The following USH2A variants were observed in gnomAD, a reference collection of about 807,000 sequenced individuals.
The protein encoded by USH2A is usherin.
A neutral mutation model predicts 538.9 loss-of-function variants in USH2A; 443 were observed. That is an observed-to-expected ratio of 0.82 (90% CI 0.76 to 0.89). The LOEUF is 0.89. USH2A is among the 40% of genes least tolerant of loss of function. The probability of loss-of-function intolerance (pLI) is 0.00; values close to 1 mark genes in which losing one functional copy is unlikely to be tolerated. For missense variants in USH2A, 6,633 were observed against 6,324.8 expected (o/e 1.05, Z -1.65); for synonymous variants, 2,413 against 2,273.5 (o/e 1.06, Z -1.75).
chr1:216,182,645 T>C (rs1039464992), intron 20 of USH2A, among the ~76,000 whole-genome samples: 13 of 152,128 alleles, frequency 8.5e-5, no homozygotes, highest in Non-Finnish European at 1.9e-4. Flanking sequence ...TAATTCCATC[T>C]AATAGTGCAT....
At chr1:215,655,693 CT>C (rs1293599422) in intron 64 of USH2A, among the ~76,000 whole-genome samples, 1 of 147,600 alleles carries the variant, frequency 6.8e-6, no homozygotes, top group African/African-American at 2.5e-5. Flanking sequence ...AATGGTGACC[CT>C]TTGGATGCTT....
In USH2A at chr1:216,416,541, T is replaced by A. The variant is rs992950947; in HGVS notation, c.651+1973A>T. ...TATGAAATAAAGCAGTCTCATTAAA[T>A]CATAAGTACTTTAACCTTTTCTTGA... On this transcript the variant is annotated intron_variant, in intron 3 of 71. Coordinates refer to ENST00000307340, the MANE Select transcript of USH2A (RefSeq NM_206933.4). Among the ~76,000 whole-genome samples the A allele has an allele frequency of 2.0e-5, 3 of 152,182 alleles. No homozygotes were observed. In the East Asian group the frequency reaches 5.8e-4, roughly 29 times the overall value.
At chr1:215,740,991 T>C (rs1660284301) in intron 60 of USH2A, among the ~76,000 whole-genome samples, 1 of 152,142 alleles carries the variant, frequency 6.6e-6, no homozygotes, top group South Asian at 2.1e-4. Flanking sequence ...ACTCACCTGC[T>C]GTGTGGCCCG....
chr1:216,335,849 A>C (rs764804723), intron 4 of USH2A, among the ~76,000 whole-genome samples: 1 of 151,582 alleles, frequency 6.6e-6, no homozygotes, highest in Non-Finnish European at 1.5e-5. Flanking sequence ...CAAACATTTA[A>C]AGAAGAAGTA....
chr1:215,996,207 G>A (rs1019309539), intron 34 of USH2A, among the ~76,000 whole-genome samples: 9 of 151,986 alleles, frequency 5.9e-5, no homozygotes, highest in Non-Finnish European at 8.8e-5. Context: ...CAGTGTGCCC[G>A]GACCAAAACT....
intron 20 of USH2A, among the ~76,000 whole-genome samples, chr1:216,176,960 T>C (rs2102642764): frequency 6.6e-6 from 1 of 152,338 alleles, no homozygotes; most frequent in Middle Eastern, 3.4e-3. Context: ...ACTGATGAAA[T>C]ATCCTGGTTG....
intron 38 of USH2A, among the ~76,000 whole-genome samples, chr1:215,908,089 G>A (rs941001850): frequency 7.3e-5 from 11 of 151,708 alleles, no homozygotes; most frequent in African/African-American, 2.4e-4. Flanking sequence ...TTTATCATTC[G>A]TTTCTCTCAA....
intron 21 of USH2A, among the ~76,000 whole-genome samples, chr1:216,105,686 A>AG (rs2032713122): frequency 6.6e-6 from 1 of 152,078 alleles, no homozygotes; most frequent in South Asian, 2.1e-4. Context: ...CATTAAATGA[A>AG]TAAATTGACT....
At chr1:216,127,917 A>G (rs559024848) in intron 21 of USH2A, among the ~76,000 whole-genome samples, 1 of 152,270 alleles carries the variant, frequency 6.6e-6, no homozygotes, top group South Asian at 2.1e-4. Flanking sequence ...TCTAAGTAAA[A>G]GATGCTGATT....
At chr1:215,950,403 G>A (rs1321009438) in intron 37 of USH2A, among the ~76,000 whole-genome samples, 1 of 151,640 alleles carries the variant, frequency 6.6e-6, no homozygotes, top group Non-Finnish European at 1.5e-5. Context: ...TGTGTTTGTA[G>A]TAAGATCTCA....
chr1:215,730,161 C>T (rs565489072), intron 60 of USH2A, among the ~76,000 whole-genome samples: 19 of 152,230 alleles, frequency 1.2e-4, no homozygotes, highest in South Asian at 6.2e-4. Context: ...GTTGTTGAGA[C>T]GGCCCTATAT....
In USH2A at chr1:215,783,539, A is replaced by T. The variant is rs1215450810; in HGVS notation, c.10388-604T>A. ...ACAAACCAACCAACTTTATTAAAAC[A>T]ATAAAACCAAGCCTGCTGAGCTTTC... On this transcript the variant is annotated intron_variant, in intron 52 of 71. Transcript: ENST00000307340. Among the ~76,000 whole-genome samples, 2 of 152,216 alleles carry T rather than the reference A, an allele frequency of 1.3e-5. 1 individual carries two copies. Among genetic ancestry groups the T allele is most frequent in the Admixed American group, 1.3e-4 (2 of 15,272 alleles).
intron 37 of USH2A, among the ~76,000 whole-genome samples, chr1:215,942,448 G>C (rs1293365604): frequency 1.3e-5 from 2 of 152,130 alleles, no homozygotes; most frequent in Non-Finnish European, 2.9e-5. Context: ...AAAGTCAGAT[G>C]CCACCTTACA....
chr1:216,352,010 G>GA (rs1286922286), intron 4 of USH2A, among the ~76,000 whole-genome samples: 1 of 151,912 alleles, frequency 6.6e-6, no homozygotes, highest in Non-Finnish European at 1.5e-5. Context: ...GTTCCATTTT[G>GA]AAAAAAAGTA....
chr1:216,152,694 T>C (rs1002566767), intron 21 of USH2A, among the ~76,000 whole-genome samples: 1 of 152,142 alleles, frequency 6.6e-6, no homozygotes, highest in African/African-American at 2.4e-5. Context: ...CATGAAATCC[T>C]GTAAGAGCAG....
chr1:215,960,040 T>C (rs1258782566), intron 37 of USH2A, among the ~76,000 whole-genome samples: 1 of 152,160 alleles, frequency 6.6e-6, no homozygotes, highest in Non-Finnish European at 1.5e-5. Flanking sequence ...GTGTGAAGAA[T>C]CCAAGGGAAG....
intron 34 of USH2A, among the ~76,000 whole-genome samples, chr1:215,994,925 A>G (rs1668098240): frequency 6.6e-6 from 1 of 152,134 alleles, no homozygotes; most frequent in Non-Finnish European, 1.5e-5. Flanking sequence ...TCAAAGACAA[A>G]TTTTTCCCAC....
In USH2A at chr1:215,675,581, G is replaced by A. The variant is rs2102667159; in HGVS notation, c.12330C>T (p.Tyr4110=). The change falls in exon 63 of 72, where the codon TAC becomes TAT. Residue 4110 remains tyrosine, a synonymous_variant. Coordinates refer to ENST00000307340, the MANE Select transcript of USH2A (RefSeq NM_206933.4). The part of the protein sequence containing the change: ...YNIFSDGFLE[Y]SGLNRQFLFR... ...AGAGAAACTGACGATTCAAACCAGA[G>A]TACTCCAGGAACCCGTCACTGAAGA... is the stretch of plus-strand genomic sequence containing the variant. 12 of 1,614,114 alleles carry A rather than the reference G, an allele frequency of 7.4e-6. No individual in the cohort carries two copies. Among genetic ancestry groups the A allele is most frequent in the Non-Finnish European group, 1.0e-5 (12 of 1,180,018 alleles).
At chr1:215,647,436 A>G (rs750986258) in intron 67 of USH2A, 86 bp downstream of exon 67, 45 of 1,539,324 alleles carry the variant, frequency 2.9e-5, no homozygotes, top group Middle Eastern at 4.6e-4. Flanking sequence ...TCTGTTTTTA[A>G]AAGTGGCTTC....
Sources: allele counts gnomAD v4.1 joint callset (sites outside exome capture counted in the v4.1 genomes callset), GRCh38; gene constraint gnomAD v4.1.1; transcripts MANE v1.5; gene names NCBI Gene and HGNC (gene_info 2026-07-23, HGNC 2026-07-21).